Variants in C2orf78 observed in about 807,000 individuals in gnomAD.
C2orf78 encodes the protein chromosome 2 open reading frame 78.
C2orf78 carries 12 observed loss-of-function variants against 21.4 expected under a neutral mutation model. The ratio of observed to expected loss-of-function variants is 0.56; its 90% CI spans 0.36 to 0.91. C2orf78 has a LOEUF of 0.91. C2orf78 is among the 40% of genes least tolerant of loss of function. The pLI, the probability that C2orf78 is intolerant of heterozygous loss-of-function variation, is 0.01. For synonymous variants in C2orf78, 396 were observed against 413.9 expected, an observed-to-expected ratio of 0.96 and a Z score of 0.52; for missense variants, 1,042 against 1,092.4, an observed-to-expected ratio of 0.95 and a Z score of 0.65.
exon 2 of C2orf78, chr2:73,813,923 T>C (rs1673140474): frequency 2.5e-6 from 4 of 1,614,046 alleles, no homozygotes; most frequent in East Asian, 4.5e-5. Flanking sequence ...TCCATCACTA[T>C]CTGCCAGCCT....
intron 1 of C2orf78, among the ~76,000 whole-genome samples, chr2:73,807,920 G>A (rs1354757779): frequency 6.6e-6 from 1 of 150,842 alleles, no homozygotes; most frequent in East Asian, 1.9e-4. Flanking sequence ...TGCTGTTCAA[G>A]TTACAAAAGA....
exon 2 of C2orf78, chr2:73,813,505 A>C: frequency 6.2e-7 from 1 of 1,610,112 alleles, no homozygotes; most frequent in Non-Finnish European, 8.5e-7. Flanking sequence ...CTTTACCTGG[A>C]ACTGCAAATT....
chr2:73,807,179 C>CA (rs1279850153), intron 1 of C2orf78, among the ~76,000 whole-genome samples: 110 of 47,262 alleles, frequency 2.3e-3, no homozygotes, highest in African/African-American at 8.0e-3. Context: ...GACTCTGTCT[C>CA]AAAAAAAAAA....
exon 3 of C2orf78, chr2:73,815,195 G>C (rs375725752): frequency 1.5e-5 from 24 of 1,613,850 alleles, no homozygotes; most frequent in Non-Finnish European, 1.9e-5. Context: ...AGACACTTGA[G>C]AGTAACCCAT....
intron 1 of C2orf78, among the ~76,000 whole-genome samples, chr2:73,807,841 AAGG>A (rs1174926496): frequency 6.7e-6 from 1 of 148,934 alleles, no homozygotes; most frequent in Non-Finnish European, 1.5e-5. Context: ...GGTGGAATTC[AAGG>A]AGAAGAAACT....
At chr2:73,810,100 G>C (rs1240464230) in intron 1 of C2orf78, among the ~76,000 whole-genome samples, 1 of 152,054 alleles carries the variant, frequency 6.6e-6, no homozygotes, top group Non-Finnish European at 1.5e-5. Flanking sequence ...TAGATCAAAG[G>C]ACTAGGAAGG....
chr2:73,786,506 G>T (rs1390905465), intron 1 of C2orf78, among the ~76,000 whole-genome samples: 1 of 93,994 alleles, frequency 1.1e-5, no homozygotes, highest in Admixed American at 1.2e-4. Flanking sequence ...TAAATCATTA[G>T]CAACTCAGCC....
chr2:73,815,149 C>G, exon 3 of C2orf78: 1 of 1,613,976 alleles, frequency 6.2e-7, no homozygotes, highest in Admixed American at 1.7e-5. Context: ...CCACAAACTC[C>G]AGAATTCTCC....
chr2:73,810,969 CATATATAT>C (rs35395110), intron 1 of C2orf78, among the ~76,000 whole-genome samples: 1 of 136,130 alleles, frequency 7.3e-6, no homozygotes, highest in Admixed American at 7.7e-5. Context: ...ATGTATATTT[CATATATAT>C]ATATATATAT....
chr2:73,815,098 C>T (rs1673164613), exon 3 of C2orf78: 1 of 1,613,050 alleles, frequency 6.2e-7, no homozygotes, highest in African/African-American at 1.3e-5. Context: ...GGGATGGATA[C>T]TTCCCTGGGA....
exon 3 of C2orf78, chr2:73,816,978 G>A (rs1359528338): frequency 2.5e-6 from 4 of 1,608,968 alleles, no homozygotes; most frequent in Non-Finnish European, 3.4e-6. Context: ...TGAATACTAT[G>A]GCTACACAAT....
chr2:73,815,470 C>T, exon 3 of C2orf78: 1 of 1,613,844 alleles, frequency 6.2e-7, no homozygotes. Context: ...TCTGAAAATG[C>T]CAATCTAAGA....
In C2orf78 at chr2:73,815,754, C is replaced by T; in HGVS notation, c.1531C>T (p.Gln511Ter). The T allele has an allele frequency of 6.2e-7, 1 of 1,613,594 alleles. No individual in the cohort carries two copies. Among genetic ancestry groups the T allele is most frequent in the Non-Finnish European group, 8.5e-7 (1 of 1,179,708 alleles). The change falls in exon 3 of 3, where the codon CAG becomes TAG. Residue 511 changes from glutamine (Q) to a stop codon, truncating the protein, a stop_gained. Coordinates refer to ENST00000409561, the Ensembl canonical transcript of C2orf78. LOFTEE classifies it low-confidence loss of function (END_TRUNC). The stretch of plus-strand genomic sequence containing the variant: ...CAAGCATAAAGCTTCCGAGCCTATC[C>T]AGGGTGCTCCCAAGGCCAAAATCCA...
At chr2:73,813,893 A>G in exon 2 of C2orf78, 1 of 1,614,014 alleles carries the variant, frequency 6.2e-7, no homozygotes, top group Non-Finnish European at 8.5e-7. Flanking sequence ...TTCAGATACC[A>G]ATACTATGGT....
chr2:73,784,200 A>G (rs901157351), exon 1 of C2orf78: 1 of 1,508,580 alleles, frequency 6.6e-7, no homozygotes, highest in Non-Finnish European at 8.8e-7. Context: ...CACCAAACCG[A>G]CCACCACCTG....
chr2:73,814,889 A>C (rs983899793), intron 2 of C2orf78, among the ~76,000 whole-genome samples, 182 bp from the exon 3 acceptor site: 16 of 152,326 alleles, frequency 1.1e-4, no homozygotes, highest in Admixed American at 9.8e-4. Flanking sequence ...AATCACATCA[A>C]ATGATAACCA....
chr2:73,785,932 G>A (rs1351626237), intron 1 of C2orf78, among the ~76,000 whole-genome samples: 1 of 151,896 alleles, frequency 6.6e-6, no homozygotes, highest in Non-Finnish European at 1.5e-5. Flanking sequence ...TGTAATCCCA[G>A]CTACTTGGGA....
chr2:73,815,329 T>C lies in C2orf78; in HGVS notation c.1106T>C (p.Leu369Pro), dbSNP rs771064722. 3 of 1,613,938 alleles carry C rather than the reference T, an allele frequency of 1.9e-6. No homozygotes were observed. The Admixed American group carries it at 5.0e-5, about 27-fold the overall frequency. Reference sequence around the variant, plus strand: ...AATTTGGATGAGATTAAAACCAACCTTTCAAAGCCTCTAGATGTCCACCAG... The same window carrying C: ...AATTTGGATGAGATTAAAACCAACCCTTCAAAGCCTCTAGATGTCCACCAG... Residue 369 changes from leucine to proline, a missense_variant, in exon 3 of 3, where the codon CTT becomes CCT. Around this residue, in one of 2 missense-constraint regions of C2orf78, gnomAD observed 1,039 missense variants for 1,069.7 expected, o/e 0.97. Transcript: ENST00000409561.
intron 1 of C2orf78, among the ~76,000 whole-genome samples, chr2:73,812,446 C>G (rs1673108408): frequency 6.6e-6 from 1 of 152,042 alleles, no homozygotes; most frequent in Non-Finnish European, 1.5e-5. Flanking sequence ...TATTATTTTA[C>G]AACTTCTTTA....
Sources: gnomAD v4.1 joint callset for allele counts (sites outside exome capture counted in the v4.1 genomes callset) on GRCh38, gnomAD v4.1.1 for gene constraint, gnomAD v4.1.1 regional missense constraint, MANE v1.5 for transcripts, NCBI Gene and HGNC (gene_info 2026-07-23, HGNC 2026-07-21) for gene names.